The following OCM variants were observed in gnomAD, a reference collection of about 807,000 sequenced individuals.
The protein encoded by OCM is oncomodulin.
Under a neutral mutation model 14.1 loss-of-function variants are expected in OCM, and 18 were observed. The ratio of observed to expected loss-of-function variants is 1.28; its 90% CI spans 0.88 to 1.89. OCM has a LOEUF of 1.89. OCM is among the 40% of genes most tolerant of loss of function. The pLI is 0.00. For synonymous variants in OCM, 48 were observed against 51.0 expected (o/e 0.94, Z 0.25); for missense variants, 140 against 137.6 (o/e 1.02, Z -0.09).
At chr7:5,861,392 G>C in the OCM span, among the ~76,000 whole-genome samples, 1 of 151,592 alleles carries the variant, frequency 6.6e-6, no homozygotes, top group Non-Finnish European at 1.5e-5. Flanking sequence ...TTGCACTCCA[G>C]CCTGGGCAAC....
chr7:5,872,684 G>A, the OCM span, among the ~76,000 whole-genome samples: 4 of 152,170 alleles, frequency 2.6e-5, no homozygotes, highest in South Asian at 2.1e-4. Flanking sequence ...CAGCATGCGC[G>A]TTAAGAGTCA....
chr7:5,863,015 G>A, the OCM span, among the ~76,000 whole-genome samples: 1 of 152,126 alleles, frequency 6.6e-6, no homozygotes, highest in East Asian at 1.9e-4. Flanking sequence ...GATTTACTGA[G>A]CTCAAGATGA....
chr7:5,872,579 A>T, the OCM span, among the ~76,000 whole-genome samples: 1 of 152,202 alleles, frequency 6.6e-6, no homozygotes, highest in Non-Finnish European at 1.5e-5. Flanking sequence ...TGTTCATTGA[A>T]TAGTTACCCG....
chr7:5,877,208 A>G (rs1175780056), upstream of OCM, among the ~76,000 whole-genome samples: 2 of 152,064 alleles, frequency 1.3e-5, no homozygotes, highest in Admixed American at 1.3e-4. Flanking sequence ...CTCATGCCTT[A>G]ATCCCAGCAC....
chr7:5,875,237 A>G (rs1478189826), upstream of OCM, among the ~76,000 whole-genome samples: 1 of 151,732 alleles, frequency 6.6e-6, no homozygotes, highest in Non-Finnish European at 1.5e-5. Flanking sequence ...TTGTATTTTT[A>G]GTAGAGACAG....
At chr7:5,867,179 C>T in the OCM span, among the ~76,000 whole-genome samples, 1 of 152,080 alleles carries the variant, frequency 6.6e-6, no homozygotes, top group Non-Finnish European at 1.5e-5. Context: ...GCCTTCTGGC[C>T]TGCATTGTTT....
At chr7:5,866,663 G>A in the OCM span, among the ~76,000 whole-genome samples, 15 of 152,330 alleles carry the variant, frequency 9.8e-5, no homozygotes, top group East Asian at 2.7e-3. Context: ...TCAACTCCCA[G>A]TAATAACTGC....
the OCM span, among the ~76,000 whole-genome samples, chr7:5,860,018 G>T: frequency 1.3e-5 from 2 of 150,746 alleles, no homozygotes; most frequent in African/African-American, 4.9e-5. Context: ...TTTTTCCTGG[G>T]TTCTGAATCT....
At chr7:5,876,212 C>G (rs558883172), upstream of OCM, among the ~76,000 whole-genome samples, 1 of 152,264 alleles carries the variant, frequency 6.6e-6, no homozygotes, top group East Asian at 1.9e-4. Context: ...CCATGTTGGC[C>G]AGGCTGGCCT....
At chr7:5,866,378 A>G in the OCM span, among the ~76,000 whole-genome samples, 21 of 52,738 alleles carry the variant, frequency 4.0e-4, no homozygotes, top group African/African-American at 8.8e-4. Flanking sequence ...GGGAGGGAGG[A>G]AAGGAGGAAG....
the OCM span, among the ~76,000 whole-genome samples, chr7:5,870,053 A>T: frequency 1.3e-5 from 2 of 152,016 alleles, no homozygotes; most frequent in Non-Finnish European, 2.9e-5. Flanking sequence ...TCGTTATTAT[A>T]TATTTTGGGC....
At position 5,882,116 on chromosome 7, in the gene OCM, A is replaced by T. The variant is rs10236968; in HGVS notation, c.62-377A>T. On this transcript the variant is annotated intron_variant, in intron 1 of 3. Coordinates refer to ENST00000242104, the MANE Select transcript of OCM (RefSeq NM_001097622.2). ...AAAAAAAAAAAAAAAAAAAAAAAAA[A>T]AAAGCGCCAAAGGCCATTTAGCCTG... Among the ~76,000 whole-genome samples, 21 of 100,954 alleles carry T rather than the reference A, an allele frequency of 2.1e-4. 3 individuals are homozygous for T. The highest frequency in any genetic ancestry group is 1.6e-3 in the East Asian group (5 of 3,124). The allele number at this position is 100,954 out of a possible 152,430, so 66.2% of individuals were successfully genotyped here.
chr7:5,870,300 T>TA, the OCM span, among the ~76,000 whole-genome samples: 4 of 152,032 alleles, frequency 2.6e-5, no homozygotes, highest in Non-Finnish European at 4.4e-5. Context: ...TTTGTAGCGA[T>TA]AGAGTCCCAC....
the OCM span, among the ~76,000 whole-genome samples, chr7:5,864,597 G>A: frequency 6.6e-6 from 1 of 152,062 alleles, no homozygotes; most frequent in African/African-American, 2.4e-5. Context: ...TTTCTAGACG[G>A]CATCCTCAAA....
chr7:5,880,639 A>G (rs1781191516), upstream of OCM, among the ~76,000 whole-genome samples: 1 of 152,022 alleles, frequency 6.6e-6, no homozygotes, highest in African/African-American at 2.4e-5. Context: ...CGCACCTGTA[A>G]TCCCAGCTAC....
At chr7:5,870,104 ATT>A in the OCM span, among the ~76,000 whole-genome samples, 2 of 150,242 alleles carry the variant, frequency 1.3e-5, no homozygotes, top group East Asian at 4.4e-4. Flanking sequence ...TTTTTATTTT[ATT>A]TTATTTTATT....
chr7:5,867,962 T>A, the OCM span, among the ~76,000 whole-genome samples: 1 of 152,010 alleles, frequency 6.6e-6, no homozygotes, highest in Non-Finnish European at 1.5e-5. Context: ...GGTCTCAAAC[T>A]CCTGAGCTCT....
At chr7:5,877,275 G>A (rs1341347343), upstream of OCM, among the ~76,000 whole-genome samples, 2 of 149,804 alleles carry the variant, frequency 1.3e-5, no homozygotes, top group African/African-American at 4.9e-5. Flanking sequence ...ACCAGCCTGG[G>A]CAACATCGTG....
At chr7:5,864,237 G>T in the OCM span, among the ~76,000 whole-genome samples, 2 of 151,556 alleles carry the variant, frequency 1.3e-5, no homozygotes, top group Admixed American at 6.6e-5. Flanking sequence ...TCCTGGTTGG[G>T]GGGGATGCTA....
Sources: gnomAD v4.1 joint callset for allele counts (sites outside exome capture counted in the v4.1 genomes callset) on GRCh38, gnomAD v4.1.1 for gene constraint, MANE v1.5 for transcripts, NCBI Gene and HGNC (gene_info 2026-07-23, HGNC 2026-07-21) for gene names.